Variants in JAML observed in about 807,000 individuals in gnomAD.
JAML encodes junctional adhesion molecule-like.
In JAML, 25 loss-of-function variants were observed where a neutral mutation model predicts 39.3. The observed-to-expected ratio is 0.64, with a 90% CI of 0.46 to 0.89. The LOEUF is 0.89. Among genes scored for constraint, JAML ranks in the 40% least tolerant of loss-of-function variants. The pLI is 0.00. For missense variants in JAML, 440 were observed against 486.9 expected, an observed-to-expected ratio of 0.90 and a Z score of 0.91; for synonymous variants, 162 against 179.2, an observed-to-expected ratio of 0.90 and a Z score of 0.77.
chr11:118,205,015 G>A (rs931264580), intron 5 of JAML: 6 of 152,054 alleles, frequency 3.9e-5, no homozygotes, highest in Non-Finnish European at 8.8e-5. Context: ...ATTTTCTCCT[G>A]TGAATCACTC....
At chr11:118,198,386 G>T (rs1242268219) in intron 7 of JAML, among the ~76,000 whole-genome samples, 3 of 152,186 alleles carry the variant, frequency 2.0e-5, no homozygotes, top group African/African-American at 7.2e-5. Context: ...TTAAGTGAAT[G>T]AAGAGAGAGA....
Position 118,194,331 on chromosome 11 carries a change from G to C in JAML, c.1179C>G (p.Ala393=). The C allele has an allele frequency of 6.2e-7, 1 of 1,613,700 alleles. No individual in the cohort carries two copies. The highest frequency in any genetic ancestry group is 8.5e-7 in the Non-Finnish European group (1 of 1,179,632). ...AAGGGACTCTCCATTCTTCTCAAAA[G>C]GCTTGCTGTGTTTTTGGCATTCCCC... ...SGGGMPKTQQ[A]F The change falls in exon 10 of 10, where the codon GCC becomes GCG. Residue 393 remains alanine, a synonymous_variant. Transcript: ENST00000356289.
intron 6 of JAML, 82 bp downstream of exon 6, chr11:118,203,346 A>C: frequency 2.3e-5 from 30 of 1,297,852 alleles, no homozygotes; most frequent in Non-Finnish European, 3.0e-5. Context: ...GCATCCTAGG[A>C]ACCTCTCCGG....
intron 5 of JAML, chr11:118,204,687 C>T (rs1469756437): frequency 1.3e-5 from 2 of 152,196 alleles, no homozygotes; most frequent in Admixed American, 1.3e-4. Flanking sequence ...CAAAGTCCTG[C>T]TTTATTGTTC....
At position 118,193,816 on chromosome 11, in the gene JAML, G is replaced by A. The variant is rs113175724; in HGVS notation, c.*509C>T. 943 of 166,722 alleles carry A rather than the reference G, an allele frequency of 5.7e-3. 10 individuals are homozygous for A. The highest frequency in any genetic ancestry group is 0.021 in the African/African-American group (887 of 41,948). The allele number at this position is 166,722 out of a possible 1,614,324, so 10.3% of individuals were successfully genotyped here. ...AAACCAGCCTCTAGTGTGTTAGCACGGTTTGGCTTTCCTCCAGGAACTTCA... is the reference window on the plus strand; with the variant it reads ...AAACCAGCCTCTAGTGTGTTAGCACAGTTTGGCTTTCCTCCAGGAACTTCA... On this transcript the variant is annotated 3_prime_UTR_variant, in exon 10 of 10. Transcript: ENST00000356289.
intron 1 of JAML, among the ~76,000 whole-genome samples, chr11:118,219,857 G>A (rs1243277051): frequency 2.0e-5 from 3 of 152,156 alleles, no homozygotes; most frequent in Non-Finnish European, 2.9e-5. Flanking sequence ...TGCTCCCTGT[G>A]GACCAGAAGG....
chr11:118,224,696 CTTA>C (rs767391368), intron 1 of JAML, among the ~76,000 whole-genome samples: 21 of 152,190 alleles, frequency 1.4e-4, no homozygotes, highest in Non-Finnish European at 2.6e-4. Context: ...GTCACGTACT[CTTA>C]TTATGATGAA....
rs1471587280 is a variant in JAML at position 118,200,703 on chromosome 11, G to A, written c.773-91C>T. 5 of 1,482,544 alleles carry A rather than the reference G, an allele frequency of 3.4e-6. No individual in the cohort carries two copies. In the South Asian group the frequency reaches 4.8e-5, roughly 14 times the overall value. 91.8% of individuals were successfully genotyped at this position (1,482,544 alleles called of 1,614,324 possible). ...CCCTATACCAAGTAGCACCAGCCAG[G>A]CCACGAAGCGGAGGGGAAGGCCAGA... is the stretch of plus-strand genomic sequence containing the variant. On this transcript the variant is annotated intron_variant, in intron 6 of 9. Transcript: ENST00000356289.
At chr11:118,216,534 C>T (rs1565484911) in intron 1 of JAML, among the ~76,000 whole-genome samples, 1 of 152,098 alleles carries the variant, frequency 6.6e-6, no homozygotes, top group Admixed American at 6.5e-5. Context: ...TGTTTCCTTG[C>T]CTTTAAAAGG....
chr11:118,195,259 T>G (rs746852433), intron 9 of JAML, among the ~76,000 whole-genome samples: 1 of 152,074 alleles, frequency 6.6e-6, no homozygotes, highest in Admixed American at 6.5e-5. Flanking sequence ...AATGATTCCA[T>G]TCAGCTGCAA....
Position 118,203,427 on chromosome 11 carries a change from C to T in JAML, c.772+1G>A. On this transcript the variant is annotated splice_donor_variant, in intron 6 of 9. Transcript: ENST00000356289. LOFTEE classifies it high-confidence loss of function. ...ATGCTCCCCAGCCAAATGTTAGATA[C>T]TTCGAGGCTCTTCCGGGCTGACATG... 6.2e-7 allele frequency: 1 copy of T among 1,613,630 alleles called. No homozygotes were observed. Among genetic ancestry groups the T allele is most frequent in the Non-Finnish European group, 8.5e-7 (1 of 1,179,612 alleles).
chr11:118,196,802 A>G lies in JAML; in HGVS notation c.1025T>C (p.Ile342Thr), dbSNP rs757934856. Residue 342 changes from isoleucine (I) to threonine (T), a missense_variant, in exon 9 of 10, where the codon ATA becomes ACA. Physicochemically the swap from Ile to Thr is moderately conservative, Grantham distance 89. Transcript: ENST00000356289. The part of the protein sequence containing the change: ...CEGEKHIYSP[I>T]IVREVIEEEE... ...TTCCTCGATCACCTCCCGTACAATT[A>G]TTGGGGAGTAAATGTGTTTCTAGAG... The G allele has an allele frequency of 1.2e-6, 2 of 1,611,516 alleles. No individual in the cohort carries two copies. The highest frequency in any genetic ancestry group is 1.7e-6 in the Non-Finnish European group (2 of 1,177,704).
intron 3 of JAML, among the ~76,000 whole-genome samples, chr11:118,211,340 T>C (rs1415200863): frequency 3.3e-5 from 5 of 152,200 alleles, no homozygotes; most frequent in Admixed American, 3.3e-4. Context: ...CCTCCTAGGC[T>C]CAGGTGATCC....
At chr11:118,203,719 A>C in intron 5 of JAML, 54 bp from the exon 6 acceptor site, 1 of 1,478,058 alleles carries the variant, frequency 6.8e-7, no homozygotes, top group South Asian at 1.1e-5. Context: ...TGGAGCGGGG[A>C]GCAGAGAAAA....
intron 4 of JAML, among the ~76,000 whole-genome samples, chr11:118,206,714 C>T (rs546461501): frequency 5.3e-5 from 8 of 152,320 alleles, no homozygotes; most frequent in African/African-American, 1.9e-4. Context: ...TCCCCTGCTT[C>T]TGGCTTTCCA....
chr11:118,214,095 A>G (rs1049780431), intron 2 of JAML, among the ~76,000 whole-genome samples: 8 of 152,224 alleles, frequency 5.3e-5, no homozygotes, highest in African/African-American at 1.9e-4. Context: ...AAAGGCTATG[A>G]GAGCAAAGCA....
chr11:118,219,300 AG>A (rs1240337720), intron 1 of JAML, among the ~76,000 whole-genome samples: 3 of 152,354 alleles, frequency 2.0e-5, no homozygotes, highest in East Asian at 3.9e-4. Context: ...TGCAGAGAAA[AG>A]GGGACTCTTA....
intron 1 of JAML, among the ~76,000 whole-genome samples, chr11:118,215,899 C>T (rs1949134091): frequency 6.6e-6 from 1 of 152,136 alleles, no homozygotes; most frequent in Admixed American, 6.5e-5. Flanking sequence ...TCTTGAGTTC[C>T]CACCTGCTAC....
chr11:118,200,768 G>T, intron 6 of JAML, 156 bp from the exon 7 acceptor site: 2 of 778,194 alleles, frequency 2.6e-6, no homozygotes, highest in Non-Finnish European at 4.0e-6. Context: ...CTGTCTCCAT[G>T]AGATTGAGAA....
Sources: allele counts gnomAD v4.1 joint callset (sites outside exome capture counted in the v4.1 genomes callset), GRCh38; gene constraint gnomAD v4.1.1; transcripts MANE v1.5; gene names NCBI Gene and HGNC (gene_info 2026-07-23, HGNC 2026-07-21).